The following PKHD1 variants were observed in gnomAD, a reference collection of about 807,000 sequenced individuals.
The protein encoded by PKHD1 is PKHD1 ciliary IPT domain containing fibrocystin/polyductin.
A neutral mutation model predicts 412.0 loss-of-function variants in PKHD1; 291 were observed. That is an observed-to-expected ratio of 0.71 (90% CI 0.64 to 0.78). PKHD1 has a LOEUF of 0.78. Among genes scored for constraint, PKHD1 ranks in the 30% least tolerant of loss-of-function variants. The pLI, the probability that PKHD1 is intolerant of heterozygous loss-of-function variation, is 0.00. For missense variants in PKHD1, 4,825 were observed against 4,950.7 expected (o/e 0.97, Z 0.76); for synonymous variants, 1,777 against 1,821.5 (o/e 0.98, Z 0.62).
chr6:51,659,845 T>G lies in PKHD1; in HGVS notation c.10281A>C (p.Leu3427Phe), dbSNP rs763463216. The G allele has an allele frequency of 6.2e-7, 1 of 1,613,874 alleles. No individual in the cohort carries two copies. Among genetic ancestry groups the G allele is most frequent in the Admixed American group, 1.7e-5 (1 of 59,944 alleles). Residue 3427 changes from leucine to phenylalanine, a missense_variant, in exon 61 of 67, where the codon TTA (leucine) becomes TTC (phenylalanine). Coordinates refer to ENST00000371117, the MANE Select transcript of PKHD1 (RefSeq NM_138694.4). The part of the protein sequence containing the change: ...SADAIWAIQK[L>F]YPVVSVTSGF... ...CACTAGTCACAGATACAACTGGATATAACTTCTGAATTGCCCAAATGGCAT... is the reference window on the plus strand; with the variant it reads ...CACTAGTCACAGATACAACTGGATAGAACTTCTGAATTGCCCAAATGGCAT...
At chr6:51,941,687 G>C (rs553751607) in intron 36 of PKHD1, among the ~76,000 whole-genome samples, 1 of 149,506 alleles carries the variant, frequency 6.7e-6, no homozygotes, top group Non-Finnish European at 1.5e-5. Context: ...TATCCACCCC[G>C]TGGTGCCAAA....
chr6:52,056,269 T>C (rs1156949357), intron 18 of PKHD1, among the ~76,000 whole-genome samples: 2 of 152,160 alleles, frequency 1.3e-5, no homozygotes, highest in African/African-American at 4.8e-5. Flanking sequence ...TAACTAGAAT[T>C]TAGTTCGCCT....
intron 43 of PKHD1, among the ~76,000 whole-genome samples, chr6:51,896,073 C>T (rs1479468270): frequency 1.3e-5 from 2 of 152,050 alleles, no homozygotes; most frequent in Admixed American, 6.6e-5. Context: ...AACTGCAAGT[C>T]GGTAGCCAGG....
intron 60 of PKHD1, among the ~76,000 whole-genome samples, chr6:51,663,471 T>C (rs1361409642): frequency 1.3e-5 from 2 of 152,182 alleles, no homozygotes; most frequent in Non-Finnish European, 2.9e-5. Flanking sequence ...TGTATGTAAT[T>C]TGATAAATCA....
chr6:51,891,658 GAGA>G (rs1779143958), intron 43 of PKHD1, among the ~76,000 whole-genome samples: 1 of 151,294 alleles, frequency 6.6e-6, no homozygotes, highest in East Asian at 1.9e-4. Flanking sequence ...CCCCCAACAG[GAGA>G]AGAACTTAAA....
intron 35 of PKHD1, among the ~76,000 whole-genome samples, chr6:51,982,846 TA>T (rs66834079): frequency 0.36 from 46,738 of 131,570 alleles, 5,393 homozygotes; most frequent in Admixed American, 0.45. Flanking sequence ...AATAAAAAAA[TA>T]AAAAAATAAA....
intron 66 of PKHD1, 63 bp downstream of exon 66, chr6:51,626,934 G>A: frequency 4.5e-6 from 7 of 1,571,720 alleles, no homozygotes; most frequent in Admixed American, 3.3e-5. Flanking sequence ...TGAAGGAGAG[G>A]GAGGCTCAGA....
rs145409006 is a variant in PKHD1, at chr6:51,738,393, G to A, written c.10156+5992C>T. ...TCAAAGGACACAGAGTTGCAGATAT[G>A]TAAGGATATGTAAGGCGAATAAGTC... is the stretch of plus-strand genomic sequence containing the variant. On this transcript the variant is annotated intron_variant, in intron 60 of 66. Coordinates refer to ENST00000371117, the MANE Select transcript of PKHD1 (RefSeq NM_138694.4). Among the ~76,000 whole-genome samples, 469 of 152,302 alleles carry A rather than the reference G, an allele frequency of 3.1e-3. 1 individual carries two copies. Among genetic ancestry groups the A allele is most frequent in the Non-Finnish European group, 3.0e-3 (206 of 68,020 alleles).
intron 36 of PKHD1, among the ~76,000 whole-genome samples, chr6:51,947,260 G>T (rs181942329): frequency 7.9e-5 from 12 of 152,164 alleles, no homozygotes; most frequent in African/African-American, 2.9e-4. Flanking sequence ...CACTTGCCCA[G>T]CCTCTTTGTT....
In PKHD1 at chr6:51,620,802, A is replaced by ATATATATG. The variant is rs1554164002; in HGVS notation, c.11786-1283_11786-1282insCATATATA. On this transcript the variant is annotated intron_variant, in intron 66 of 66. Coordinates refer to ENST00000371117, the MANE Select transcript of PKHD1 (RefSeq NM_138694.4). ...ATTATATATACATATATATATATGT[A>ATATATATG]TATATATATATATAATGCTTTTGAT... Among the ~76,000 whole-genome samples the ATATATATG allele has an allele frequency of 5.7e-3, 801 of 141,548 alleles. 2 individuals are homozygous for ATATATATG. Among genetic ancestry groups the ATATATATG allele is most frequent in the Middle Eastern group, 0.011 (3 of 274 alleles). 92.9% of individuals were successfully genotyped at this position (141,548 alleles called of 152,430 possible).
In PKHD1 at chr6:51,650,986, C is replaced by A. The variant is rs201776171; in HGVS notation, c.11175-1766G>T. Reference sequence around the variant, plus strand: ...TTATCAGATCCTATTTCTCCCCTAACCTTTTCCTTAAATTCTTTCTGATAG... The same window carrying A: ...TTATCAGATCCTATTTCTCCCCTAAACTTTTCCTTAAATTCTTTCTGATAG... On this transcript the variant is annotated intron_variant, in intron 61 of 66. Transcript: ENST00000371117. Among the ~76,000 whole-genome samples, 10 of 152,232 alleles carry A rather than the reference C, an allele frequency of 6.6e-5. No individual in the cohort carries two copies. The East Asian group carries it at 1.9e-3, about 29-fold the overall frequency.
At chr6:51,977,068 G>T (rs529673729) in intron 35 of PKHD1, among the ~76,000 whole-genome samples, 1 of 150,760 alleles carries the variant, frequency 6.6e-6, no homozygotes, top group African/African-American at 2.4e-5. Flanking sequence ...TACTTAGTTT[G>T]TTCAGTGCTT....
At chr6:51,920,359 C>A (rs2127706829) in intron 37 of PKHD1, among the ~76,000 whole-genome samples, 1 of 152,284 alleles carries the variant, frequency 6.6e-6, no homozygotes, top group East Asian at 1.9e-4. Context: ...TTGTCGAAGG[C>A]CTTTTCTGCA....
Position 51,914,043 on chromosome 6 carries a change from G to C in PKHD1, c.6122-1467C>G, listed in dbSNP as rs151293758. 5.3e-3 allele frequency among the ~76,000 whole-genome samples: 802 copies of C among 152,114 alleles called. 1 individual carries two copies. Among genetic ancestry groups the C allele is most frequent in the Non-Finnish European group, 7.8e-3 (531 of 67,974 alleles). On this transcript the variant is annotated intron_variant, in intron 37 of 66. Coordinates refer to ENST00000371117, the MANE Select transcript of PKHD1 (RefSeq NM_138694.4). ...TAACCCATTCTTGAATGCCTACATA[G>C]AAAAATCTCTACTAAGCACAGAAAA...
chr6:51,778,898 C>T (rs1791509398), intron 53 of PKHD1, among the ~76,000 whole-genome samples: 1 of 152,072 alleles, frequency 6.6e-6, no homozygotes, highest in Admixed American at 6.6e-5. Context: ...CATGAGATTT[C>T]CCAGCATTTA....
In PKHD1 at chr6:52,058,449, G is replaced by T; in HGVS notation, c.1386C>A (p.Ala462=). 6.2e-7 allele frequency: 1 copy of T among 1,614,146 alleles called. No homozygotes were observed. The highest frequency in any genetic ancestry group is 8.5e-7 in the Non-Finnish European group (1 of 1,180,018). Residue 462 remains alanine, a synonymous_variant, in exon 16 of 67, where the codon GCC becomes GCA. Coordinates refer to ENST00000371117, the MANE Select transcript of PKHD1 (RefSeq NM_138694.4). The stretch of plus-strand genomic sequence containing the variant: ...CACCAATCCTCATCCCCCTGCTTGG[G>T]GCTATCCCATGATGCTCTGCTTCCA... ...YYLEAEHHGI[A]PSRGMRIGVQ... is the part of the protein sequence containing the mutation.
At chr6:51,963,517 T>G (rs987839454) in intron 35 of PKHD1, among the ~76,000 whole-genome samples, 1 of 152,098 alleles carries the variant, frequency 6.6e-6, no homozygotes, top group African/African-American at 2.4e-5. Context: ...CCTGGGGAAA[T>G]AGAAGAGCAG....
intron 45 of PKHD1, among the ~76,000 whole-genome samples, chr6:51,884,651 T>G (rs1360665891): frequency 6.6e-6 from 1 of 152,182 alleles, no homozygotes; most frequent in Non-Finnish European, 1.5e-5. Context: ...AGTTCTGTAT[T>G]TTTTTCCTTC....
chr6:51,705,413 C>T (rs937848674), intron 60 of PKHD1, among the ~76,000 whole-genome samples: 1 of 152,056 alleles, frequency 6.6e-6, no homozygotes, highest in Non-Finnish European at 1.5e-5. Flanking sequence ...AAGGAAGAGT[C>T]AATGTGGGCA....
Sources: gnomAD v4.1 joint callset for allele counts (sites outside exome capture counted in the v4.1 genomes callset) on GRCh38, gnomAD v4.1.1 for gene constraint, MANE v1.5 for transcripts, NCBI Gene and HGNC (gene_info 2026-07-23, HGNC 2026-07-21) for gene names.